Variants in RBFOX3 observed in about 807,000 individuals in gnomAD.
RBFOX3 encodes RNA binding fox-1 homolog 3.
In RBFOX3, 17 loss-of-function variants were observed where a neutral mutation model predicts 48.7. That is an observed-to-expected ratio of 0.35 (90% confidence interval 0.24 to 0.52). The LOEUF (loss-of-function observed/expected upper bound fraction) is 0.52. Ranked by LOEUF, RBFOX3 falls within the 20% of genes least tolerant of loss-of-function variation. The pLI, the probability that RBFOX3 is intolerant of heterozygous loss-of-function variation, is 0.94. For missense variants in RBFOX3, 382 were observed against 497.5 expected (o/e 0.77, Z 2.21); for synonymous variants, 212 against 209.5 (o/e 1.01, Z -0.10).
chr17:79,383,611 G>C (rs1365233837), intron 2 of RBFOX3, among the ~76,000 whole-genome samples: 1 of 152,210 alleles, frequency 6.6e-6, no homozygotes, highest in Non-Finnish European at 1.5e-5. Flanking sequence ...CCCTTACAGA[G>C]TCAGAGCATG....
At position 79,397,559 on chromosome 17, in the gene RBFOX3, G is replaced by C. The variant is rs948285960; in HGVS notation, c.-175+84895C>G. 2.7e-5 allele frequency among the ~76,000 whole-genome samples: 4 copies of C among 148,880 alleles called. No individual in the cohort carries two copies. In the Admixed American group the frequency reaches 2.7e-4, roughly 10 times the overall value. On this transcript the variant is annotated intron_variant, in intron 2 of 14. Coordinates refer to ENST00000693108, the MANE Select transcript of RBFOX3 (RefSeq NM_001350451.2). The stretch of plus-strand genomic sequence containing the variant: ...AGAAAAGCCCATTAAGAGCCTCCTC[G>C]CATACCTCATTTCCCATCAAAATCA...
chr17:79,162,446 C>T (rs1159413617), intron 4 of RBFOX3, among the ~76,000 whole-genome samples: 1 of 152,198 alleles, frequency 6.6e-6, no homozygotes, highest in Admixed American at 6.5e-5. Flanking sequence ...ACACAGAGGA[C>T]GTCAGTGTGG....
chr17:79,442,991 G>A lies in RBFOX3; in HGVS notation c.-175+39463C>T, dbSNP rs368446699. On this transcript the variant is annotated intron_variant, in intron 2 of 14. Transcript: ENST00000693108. ...GCCATGAAGCAGCGCCCAGCAGCTC[G>A]GCATTGGTCAGAAGCCTCCACCTGC... Among the ~76,000 whole-genome samples, 7 of 152,332 alleles carry A rather than the reference G, an allele frequency of 4.6e-5. No individual in the cohort carries two copies. The East Asian group carries it at 5.8e-4, about 13-fold the overall frequency.
chr17:79,340,979 C>T (rs1314646169), intron 2 of RBFOX3, among the ~76,000 whole-genome samples: 1 of 152,198 alleles, frequency 6.6e-6, no homozygotes, highest in East Asian at 1.9e-4. Flanking sequence ...ACAGTTACAC[C>T]TGCAAGTCAA....
chr17:79,356,295 G>T (rs962900307), intron 2 of RBFOX3, among the ~76,000 whole-genome samples: 4 of 147,550 alleles, frequency 2.7e-5, no homozygotes, highest in Admixed American at 6.8e-5. Context: ...CCTGGGCAAT[G>T]CCAAGGTACC....
chr17:79,442,235 GA>G (rs1555735298), intron 2 of RBFOX3, among the ~76,000 whole-genome samples: 243 of 1,232 alleles, frequency 0.2, 29 homozygotes, highest in African/African-American at 0.3. Context: ...GAGAGAGAGA[GA>G]GAGAGAGAGA....
chr17:79,130,828 C>T (rs996500983), intron 4 of RBFOX3, among the ~76,000 whole-genome samples: 6 of 152,254 alleles, frequency 3.9e-5, no homozygotes, highest in Admixed American at 3.9e-4. Context: ...AAGCTCTGGC[C>T]TCCCTGCCTG....
At chr17:79,154,170 CTG>C (rs2045243593) in intron 4 of RBFOX3, among the ~76,000 whole-genome samples, 1 of 142,444 alleles carries the variant, frequency 7.0e-6, no homozygotes, top group Admixed American at 7.0e-5. Flanking sequence ...CCACCAGAGT[CTG>C]TGTTCAGTTC....
chr17:79,230,279 A>C (rs1373256208), intron 4 of RBFOX3, among the ~76,000 whole-genome samples: 1 of 151,904 alleles, frequency 6.6e-6, no homozygotes, highest in Non-Finnish European at 1.5e-5. Flanking sequence ...TATTTTTTTG[A>C]GATGGAGTCT....
chr17:79,356,348 G>GTTT lies in RBFOX3; in HGVS notation c.-174-48527_-174-48525dup, dbSNP rs58040659. ...ACTTTTTCACTTTTAAAACAGGGAA[G>GTTT]TTTTTTTTTTTTTTTTTTTTTTTTT... is the stretch of plus-strand genomic sequence containing the variant. On this transcript the variant is annotated intron_variant, in intron 2 of 14. Transcript: ENST00000693108. Among the ~76,000 whole-genome samples, 15 of 47,330 alleles carry GTTT rather than the reference G, an allele frequency of 3.2e-4. 3 individuals carry two copies. Among genetic ancestry groups the GTTT allele is most frequent in the African/African-American group, 8.0e-4 (10 of 12,508 alleles). The allele number at this position is 47,330 out of a possible 152,430, so 31.1% of individuals were successfully genotyped here. A position where few individuals can be genotyped will look rare whatever the true frequency, so the allele number is the denominator to read the frequency against.
chr17:79,321,742 G>A (rs1354696208), intron 2 of RBFOX3, among the ~76,000 whole-genome samples: 2 of 143,624 alleles, frequency 1.4e-5, no homozygotes. Flanking sequence ...GTCTCACTGT[G>A]TCACCCAGGC....
chr17:79,440,879 C>T (rs1029399546), intron 2 of RBFOX3, among the ~76,000 whole-genome samples: 2 of 152,202 alleles, frequency 1.3e-5, no homozygotes, highest in Admixed American at 1.3e-4. Context: ...CCTGGTCTTC[C>T]CCACACCCCA....
chr17:79,646,193 C>T, the RBFOX3 span, among the ~76,000 whole-genome samples: 1 of 152,128 alleles, frequency 6.6e-6, no homozygotes, highest in Non-Finnish European at 1.5e-5. Context: ...TTAGGAAACT[C>T]ACCTTCCATC....
At chr17:79,425,852 G>A (rs2067262977) in intron 2 of RBFOX3, among the ~76,000 whole-genome samples, 1 of 152,126 alleles carries the variant, frequency 6.6e-6, no homozygotes, top group Non-Finnish European at 1.5e-5. Context: ...AGAGGACAAG[G>A]AATGGTGAGG....
At chr17:79,538,206 T>C (rs2089158855) in intron 1 of RBFOX3, among the ~76,000 whole-genome samples, 1 of 152,178 alleles carries the variant, frequency 6.6e-6, no homozygotes. Context: ...ACATGTAATC[T>C]CATGATGAGT....
Position 79,115,657 on chromosome 17 carries a change from G to C in RBFOX3, c.59C>G (p.Ala20Gly). 7.6e-7 allele frequency: 1 copy of C among 1,309,262 alleles called. No homozygotes were observed. Among genetic ancestry groups the C allele is most frequent in the Non-Finnish European group, 1.0e-6 (1 of 1,000,094 alleles). 81.1% of individuals were successfully genotyped at this position (1,309,262 alleles called of 1,614,324 possible). A position where few individuals can be genotyped will look rare whatever the true frequency, so the allele number is the denominator to read the frequency against. Residue 20 changes from alanine (A) to glycine (G), a missense_variant, in exon 5 of 15, where the codon GCC becomes GGC. Ala to Gly is a moderately conservative substitution (Grantham distance 60). Coordinates refer to ENST00000693108, the MANE Select transcript of RBFOX3 (RefSeq NM_001350451.2). ...YPPPPQNGIP[A>G]EYAPPPPHPT... ...GTGCGGTGGGGGCGGGGCGTACTCGGCAGGGATGCCGTTCTGTGGCGGAGG... is the reference window on the plus strand; with the variant it reads ...GTGCGGTGGGGGCGGGGCGTACTCGCCAGGGATGCCGTTCTGTGGCGGAGG...
chr17:79,209,553 C>G (rs531423709), intron 4 of RBFOX3, among the ~76,000 whole-genome samples: 7 of 152,344 alleles, frequency 4.6e-5, no homozygotes, highest in South Asian at 4.1e-4. Flanking sequence ...AGGCAGTGAG[C>G]ACCTCTGCAG....
At position 79,199,926 on chromosome 17, in the gene RBFOX3, C is replaced by T. The variant is rs992001999; in HGVS notation, c.-34+35840G>A. Among the ~76,000 whole-genome samples the T allele has an allele frequency of 1.3e-5, 2 of 151,994 alleles. No individual in the cohort carries two copies. Among genetic ancestry groups the T allele is most frequent in the African/African-American group, 4.8e-5 (2 of 41,378 alleles). On this transcript the variant is annotated intron_variant, in intron 4 of 14. Transcript: ENST00000693108. This position sits in a 1 kb window ranked among gnomAD's most constrained non-coding sequence, Gnocchi z 5.1. ...CTGTAATCCCAGCACTTTGGGAGGC[C>T]GAGGTGGGTGGATCACCTGAAGTCA...
intron 2 of RBFOX3, among the ~76,000 whole-genome samples, chr17:79,475,669 C>T (rs1395531571): frequency 8.5e-5 from 13 of 152,278 alleles, no homozygotes; most frequent in South Asian, 4.2e-4. Flanking sequence ...CACATGCATG[C>T]GTGCACACAT....
Sources: gnomAD v4.1 joint callset for allele counts (sites outside exome capture counted in the v4.1 genomes callset) on GRCh38, gnomAD v4.1.1 for gene constraint, Gnocchi (gnomAD v3.1) non-coding constraint, MANE v1.5 for transcripts, NCBI Gene and HGNC (gene_info 2026-07-23, HGNC 2026-07-21) for gene names.